The following EXT1 variants were observed in gnomAD, a reference collection of about 807,000 sequenced individuals.
EXT1 encodes exostosin-1.
Under a neutral mutation model 82.5 loss-of-function variants are expected in EXT1, and 20 were observed. That is an observed-to-expected ratio of 0.24 (90% CI 0.17 to 0.35). The LOEUF (loss-of-function observed/expected upper bound fraction) is 0.35, where lower values mean the gene tolerates loss of function less well. Among genes scored for constraint, EXT1 ranks in the 10% least tolerant of loss-of-function variants. EXT1 has a pLI of 1.00. For missense variants in EXT1, 757 were observed against 936.5 expected, an observed-to-expected ratio of 0.81 and a Z score of 2.50; for synonymous variants, 348 against 350.8, an observed-to-expected ratio of 0.99 and a Z score of 0.09.
chr8:117,912,552 C>T (rs967845158), intron 1 of EXT1, among the ~76,000 whole-genome samples: 5 of 152,246 alleles, frequency 3.3e-5, no homozygotes, highest in Admixed American at 2.6e-4. Flanking sequence ...GTCTGGGATG[C>T]AGGCTTCCTA....
At position 117,969,630 on chromosome 8, in the gene EXT1, C is replaced by T. The variant is rs190732849; in HGVS notation, c.963-132429G>A. 2.6e-5 allele frequency among the ~76,000 whole-genome samples: 4 copies of T among 152,252 alleles called. No homozygotes were observed. In the East Asian group the frequency reaches 7.7e-4, roughly 29 times the overall value. ...ATCCTGCATAAATTATGCATGTTTG[C>T]GAGTCCCCTCCCTCATGTTGTGACA... is the stretch of plus-strand genomic sequence containing the variant. On this transcript the variant is annotated intron_variant, in intron 1 of 10. Coordinates refer to ENST00000378204, the MANE Select transcript of EXT1 (RefSeq NM_000127.3).
At chr8:118,000,174 A>C (rs1586334584) in intron 1 of EXT1, among the ~76,000 whole-genome samples, 1 of 152,226 alleles carries the variant, frequency 6.6e-6, no homozygotes, top group Non-Finnish European at 1.5e-5. Flanking sequence ...TTTTCAAAGA[A>C]AAGAAAGTAA....
chr8:118,061,236 C>T (rs1400224872), intron 1 of EXT1, among the ~76,000 whole-genome samples: 2 of 152,202 alleles, frequency 1.3e-5, no homozygotes, highest in Non-Finnish European at 2.9e-5. Context: ...GCTGAAATTA[C>T]TGTTATCATT....
rs559407268 is a variant in EXT1, at chr8:117,819,273, C to T, written c.1536+403G>A. On this transcript the variant is annotated intron_variant, in intron 6 of 10. Coordinates refer to ENST00000378204, the MANE Select transcript of EXT1 (RefSeq NM_000127.3). Reference sequence around the variant, plus strand: ...GCTATGAAAAGAAAAGTTGACACTTCATGACACCAACAAGTCTGCTTCTTC... The same window carrying T: ...GCTATGAAAAGAAAAGTTGACACTTTATGACACCAACAAGTCTGCTTCTTC... Among the ~76,000 whole-genome samples the T allele has an allele frequency of 5.9e-5, 9 of 152,332 alleles. 1 individual carries two copies. Among genetic ancestry groups the T allele is most frequent in the African/African-American group, 2.2e-4 (9 of 41,576 alleles).
At chr8:117,952,195 T>G (rs1440541578) in intron 1 of EXT1, among the ~76,000 whole-genome samples, 1 of 152,230 alleles carries the variant, frequency 6.6e-6, no homozygotes, top group East Asian at 1.9e-4. Flanking sequence ...ATCCTGTTTT[T>G]AAATACACAT....
chr8:118,031,183 G>A (rs991256162), intron 1 of EXT1, among the ~76,000 whole-genome samples: 5 of 152,036 alleles, frequency 3.3e-5, no homozygotes, highest in African/African-American at 4.8e-5. Context: ...AATCTGGGCC[G>A]GAGTTGCTGC....
chr8:117,873,447 C>CTTTTTTTTTTTTTTTTTTTTT (rs1184985472), intron 1 of EXT1, among the ~76,000 whole-genome samples: 2 of 99,706 alleles, frequency 2.0e-5, no homozygotes, highest in African/African-American at 8.2e-5. Flanking sequence ...TGTCCTGTGA[C>CTTTTTTTTTTTTTTTTTTTTT]TTTTTTTTTT....
At chr8:118,070,823 C>T (rs1225150705) in intron 1 of EXT1, among the ~76,000 whole-genome samples, 1 of 152,106 alleles carries the variant, frequency 6.6e-6, no homozygotes, top group African/African-American at 2.4e-5. Flanking sequence ...TTCCCTCCAT[C>T]CTGGCTAGAA....
At chr8:117,884,415 C>T (rs1364400621) in intron 1 of EXT1, among the ~76,000 whole-genome samples, 1 of 152,184 alleles carries the variant, frequency 6.6e-6, no homozygotes, top group Non-Finnish European at 1.5e-5. Context: ...TCTGCAGCCA[C>T]TTGGAGGTGC....
chr8:117,809,874 G>A (rs898116676), intron 8 of EXT1, among the ~76,000 whole-genome samples: 9 of 152,162 alleles, frequency 5.9e-5, no homozygotes, highest in East Asian at 1.9e-4. Context: ...CAGCCTGGCC[G>A]TCAGCACTCT....
chr8:117,845,498 G>C (rs1164912207), intron 1 of EXT1, among the ~76,000 whole-genome samples: 1 of 151,734 alleles, frequency 6.6e-6, no homozygotes, highest in East Asian at 1.9e-4. Flanking sequence ...GGTAAAAGAT[G>C]ACCATCTGAA....
At chr8:117,953,910 A>C (rs1814540224) in intron 1 of EXT1, among the ~76,000 whole-genome samples, 1 of 152,092 alleles carries the variant, frequency 6.6e-6, no homozygotes, top group Non-Finnish European at 1.5e-5. Context: ...ACTCCACCTC[A>C]ACAACAACAG....
intron 4 of EXT1, among the ~76,000 whole-genome samples, chr8:117,828,858 G>A (rs185046284): frequency 6.6e-6 from 1 of 152,254 alleles, no homozygotes; most frequent in East Asian, 1.9e-4. Flanking sequence ...TCGCCCTAGG[G>A]TGGGAGCAGG....
At chr8:117,909,738 C>A (rs1389773424) in intron 1 of EXT1, among the ~76,000 whole-genome samples, 1 of 151,876 alleles carries the variant, frequency 6.6e-6, no homozygotes, top group East Asian at 1.9e-4. Context: ...TCCTGGAAAT[C>A]CTGCTGCAGA....
At chr8:117,845,825 A>T (rs1812349121) in intron 1 of EXT1, among the ~76,000 whole-genome samples, 1 of 152,108 alleles carries the variant, frequency 6.6e-6, no homozygotes, top group African/African-American at 2.4e-5. Context: ...TGAGCTGCAC[A>T]ATCTGTAATC....
chr8:118,045,452 T>C (rs746323940), intron 1 of EXT1, among the ~76,000 whole-genome samples: 4 of 152,120 alleles, frequency 2.6e-5, no homozygotes, highest in Non-Finnish European at 4.4e-5. Context: ...CAGTAAAAGT[T>C]AGATATAGAG....
chr8:118,079,365 C>G (rs2129978756), intron 1 of EXT1, among the ~76,000 whole-genome samples: 2 of 152,280 alleles, frequency 1.3e-5, no homozygotes, highest in South Asian at 4.1e-4. Flanking sequence ...TCGAATAAAA[C>G]CTTTTTGGTA....
intron 1 of EXT1, among the ~76,000 whole-genome samples, chr8:118,080,706 G>T (rs1218708501): frequency 1.3e-5 from 2 of 152,126 alleles, no homozygotes; most frequent in Admixed American, 1.3e-4. Context: ...CCTGAGCAAT[G>T]AACTTAAAAC....
intron 1 of EXT1, among the ~76,000 whole-genome samples, chr8:117,840,994 G>A (rs566671398): frequency 2.0e-5 from 3 of 152,246 alleles, no homozygotes; most frequent in South Asian, 2.1e-4. Context: ...CAGCCACTTC[G>A]AAAAATAGTT....
Sources: allele counts gnomAD v4.1 joint callset (sites outside exome capture counted in the v4.1 genomes callset), GRCh38; gene constraint gnomAD v4.1.1; transcripts MANE v1.5; gene names NCBI Gene and HGNC (gene_info 2026-07-23, HGNC 2026-07-21).